MBNL2: variants seen among roughly 807,000 people sequenced by gnomAD.
MBNL2 encodes the protein muscleblind like splicing regulator 2.
In MBNL2, 17 loss-of-function variants were observed where a neutral mutation model predicts 41.9. The observed-to-expected ratio is 0.41, with a 90% CI of 0.28 to 0.61. The LOEUF is 0.61. MBNL2 is among the 20% of genes least tolerant of loss of function. The pLI, the probability that MBNL2 is intolerant of heterozygous loss-of-function variation, is 0.35. For missense variants in MBNL2, 336 were observed against 505.6 expected (o/e 0.66, Z 3.22); for synonymous variants, 195 against 182.9 (o/e 1.07, Z -0.53).
the MBNL2 span, among the ~76,000 whole-genome samples, chr13:97,162,993 C>T: frequency 6.6e-6 from 1 of 152,146 alleles, no homozygotes; most frequent in Non-Finnish European, 1.5e-5. Context: ...GGGATCAACA[C>T]TGAGATGCTC....
chr13:97,357,831 AT>A (rs2063111991), intron 7 of MBNL2, 196 bp downstream of exon 7: 1 of 639,822 alleles, frequency 1.6e-6, no homozygotes, highest in African/African-American at 1.8e-5. Context: ...CTAAAGCCAA[AT>A]ATTTGATAGA....
chr13:97,344,529 C>G (rs2061682788), intron 4 of MBNL2, among the ~76,000 whole-genome samples: 1 of 152,178 alleles, frequency 6.6e-6, no homozygotes, highest in South Asian at 2.1e-4. Context: ...GCCTAATAAC[C>G]TGTGCAAGTT....
intron 2 of MBNL2, among the ~76,000 whole-genome samples, chr13:97,308,517 C>G (rs1189418226): frequency 2.0e-5 from 3 of 152,142 alleles, no homozygotes; most frequent in Admixed American, 1.3e-4. Flanking sequence ...AGGGAATTTC[C>G]TAGTAAAAAT....
At chr13:97,261,409 C>T (rs1286574705) in intron 1 of MBNL2, among the ~76,000 whole-genome samples, 2 of 152,114 alleles carry the variant, frequency 1.3e-5, no homozygotes, top group African/African-American at 4.8e-5. Context: ...CCTCAACTGC[C>T]GTCACCTCCA....
In MBNL2 at chr13:97,389,290, A is replaced by G. The variant is rs550668689; in HGVS notation, c.1049-2032A>G. Among the ~76,000 whole-genome samples, 14 of 152,338 alleles carry G rather than the reference A, an allele frequency of 9.2e-5. No homozygotes were observed. In the East Asian group the frequency reaches 2.7e-3, roughly 29 times the overall value. On this transcript the variant is annotated intron_variant, in intron 8 of 8. Transcript: ENST00000679496. ...TTGCCCATTCTAATTTGCCATTGCT[A>G]TGCTTTTCATAGAATACTTCTTTTC... is the stretch of plus-strand genomic sequence containing the variant.
intron 1 of MBNL2, among the ~76,000 whole-genome samples, chr13:97,258,105 G>A (rs1260211887): frequency 3.3e-5 from 5 of 152,150 alleles, no homozygotes; most frequent in African/African-American, 4.8e-5. Flanking sequence ...AGGAAGGGGC[G>A]GTAGGATGCA....
chr13:97,237,991 AG>A (rs1199241264), intron 1 of MBNL2, among the ~76,000 whole-genome samples: 1 of 152,156 alleles, frequency 6.6e-6, no homozygotes, highest in Non-Finnish European at 1.5e-5. Flanking sequence ...AGGGAAAGGG[AG>A]GGAGTCAAAG....
At chr13:97,180,346 G>A in the MBNL2 span, among the ~76,000 whole-genome samples, 1 of 152,164 alleles carries the variant, frequency 6.6e-6, no homozygotes. Context: ...ACTGGGTGAT[G>A]ATTTACCAGA....
chr13:97,183,120 A>C, the MBNL2 span, among the ~76,000 whole-genome samples: 2 of 152,206 alleles, frequency 1.3e-5, no homozygotes, highest in Admixed American at 1.3e-4. Context: ...GTTAACTCTA[A>C]TATCTTTTCA....
intron 1 of MBNL2, among the ~76,000 whole-genome samples, chr13:97,239,995 T>G (rs777183468): frequency 6.6e-5 from 10 of 152,200 alleles, no homozygotes; most frequent in Non-Finnish European, 1.3e-4. Flanking sequence ...GTATTTTCTT[T>G]CCATACCCAT....
chr13:97,373,806 A>C (rs1296007039), intron 8 of MBNL2, among the ~76,000 whole-genome samples: 1 of 152,092 alleles, frequency 6.6e-6, no homozygotes, highest in African/African-American at 2.4e-5. Flanking sequence ...AGTTTAATTA[A>C]TAAATGCATC....
chr13:97,284,190 G>A (rs2053976525), intron 2 of MBNL2, among the ~76,000 whole-genome samples: 1 of 152,112 alleles, frequency 6.6e-6, no homozygotes, highest in Non-Finnish European at 1.5e-5. Context: ...CAAAATCAAA[G>A]TGCTCTTGGT....
chr13:97,180,766 A>T, the MBNL2 span, among the ~76,000 whole-genome samples: 2 of 139,278 alleles, frequency 1.4e-5, no homozygotes, highest in African/African-American at 5.3e-5. Flanking sequence ...AAAAAAAAAC[A>T]TGTTGTACCA....
intron 2 of MBNL2, among the ~76,000 whole-genome samples, chr13:97,308,423 C>T (rs2058310211): frequency 6.6e-6 from 1 of 152,184 alleles, no homozygotes; most frequent in South Asian, 2.1e-4. Context: ...GAAAGGTCAT[C>T]CCTCTGGCCA....
chr13:97,342,062 C>G (rs1179682253), intron 3 of MBNL2, among the ~76,000 whole-genome samples: 1 of 152,194 alleles, frequency 6.6e-6, no homozygotes, highest in African/African-American at 2.4e-5. Flanking sequence ...AAGAAGCATT[C>G]AGGTCCAATT....
the MBNL2 span, among the ~76,000 whole-genome samples, chr13:97,151,276 T>C: frequency 1.3e-5 from 2 of 152,252 alleles, no homozygotes; most frequent in East Asian, 1.9e-4. Flanking sequence ...TAGGGGATGA[T>C]TTAAAAGTAT....
rs144025176 is a variant in MBNL2, at chr13:97,391,177, G to A, written c.1049-145G>A. The A allele has an allele frequency of 8.3e-4, 494 of 595,264 alleles. 2 individuals are homozygous for A. Among genetic ancestry groups the A allele is most frequent in the African/African-American group, 7.4e-3 (392 of 53,182 alleles). The allele number at this position is 595,264 out of a possible 1,614,324, so 36.9% of individuals were successfully genotyped here. A position where few individuals can be genotyped will look rare whatever the true frequency, so the allele number is the denominator to read the frequency against. On this transcript the variant is annotated intron_variant, in intron 8 of 8. Coordinates refer to ENST00000679496, the MANE Select transcript of MBNL2 (RefSeq NM_001382683.1). The stretch of plus-strand genomic sequence containing the variant: ...TTTTTCAGCATGAAGGGCGGGTATT[G>A]TGCAAATTTATAATTGCATCAAAAT...
chr13:97,243,460 G>A (rs1362164515), intron 1 of MBNL2, among the ~76,000 whole-genome samples: 5 of 152,158 alleles, frequency 3.3e-5, no homozygotes, highest in African/African-American at 1.2e-4. Context: ...AAGGATCAGG[G>A]AGGACAGGAC....
At chr13:97,199,479 A>G in the MBNL2 span, among the ~76,000 whole-genome samples, 1 of 152,346 alleles carries the variant, frequency 6.6e-6, no homozygotes, top group Non-Finnish European at 1.5e-5. Flanking sequence ...TGCCTGCCAC[A>G]AAGTAGGGGC....
Sources: gnomAD v4.1 joint callset for allele counts (sites outside exome capture counted in the v4.1 genomes callset) on GRCh38, gnomAD v4.1.1 for gene constraint, MANE v1.5 for transcripts, NCBI Gene and HGNC (gene_info 2026-07-23, HGNC 2026-07-21) for gene names.